UBE2E2: variants seen among roughly 807,000 people sequenced by gnomAD.
UBE2E2 encodes ubiquitin-conjugating enzyme E2 E2.
Under a neutral mutation model 24.7 loss-of-function variants are expected in UBE2E2, and 6 were observed. That is an observed-to-expected ratio of 0.24 (90% CI 0.13 to 0.48). The LOEUF (loss-of-function observed/expected upper bound fraction) is 0.48, where lower values mean the gene tolerates loss of function less well. Ranked by LOEUF, UBE2E2 falls within the 20% of genes least tolerant of loss-of-function variation. UBE2E2 has a pLI of 0.99. For missense variants in UBE2E2, 169 were observed against 245.0 expected (o/e 0.69, Z 2.07); for synonymous variants, 104 against 83.6 (o/e 1.24, Z -1.33).
At chr3:23,351,323 A>G (rs1430191173) in intron 3 of UBE2E2, among the ~76,000 whole-genome samples, 2 of 152,248 alleles carry the variant, frequency 1.3e-5, no homozygotes, top group East Asian at 1.9e-4. Flanking sequence ...AAGAAACTCC[A>G]TCAACTAACA....
intron 3 of UBE2E2, among the ~76,000 whole-genome samples, chr3:23,228,193 G>C (rs539876626): frequency 6.6e-6 from 1 of 152,104 alleles, no homozygotes; most frequent in African/African-American, 2.4e-5. Context: ...GCTAATAAAA[G>C]AAAATGTTGA....
chr3:23,217,369 TG>T (rs766188773), intron 3 of UBE2E2, 57 bp downstream of exon 3: 11 of 1,509,712 alleles, frequency 7.3e-6, no homozygotes, highest in Non-Finnish European at 1.0e-5. Flanking sequence ...GCATTTGAAC[TG>T]TTGGTTTTAT....
chr3:23,518,454 G>A (rs529301770), intron 4 of UBE2E2, among the ~76,000 whole-genome samples: 9 of 152,282 alleles, frequency 5.9e-5, no homozygotes, highest in African/African-American at 1.9e-4. Context: ...TGCTTGCCAC[G>A]AAGGCAGAAA....
intron 3 of UBE2E2, among the ~76,000 whole-genome samples, chr3:23,415,417 G>T (rs538389802): frequency 1.4e-3 from 213 of 152,258 alleles, no homozygotes; most frequent in African/African-American, 4.9e-3. Context: ...TCAAATTAGC[G>T]AGACCAACAT....
chr3:23,394,649 G>A (rs758991343), intron 3 of UBE2E2, among the ~76,000 whole-genome samples: 2 of 152,160 alleles, frequency 1.3e-5, no homozygotes, highest in Non-Finnish European at 2.9e-5. Flanking sequence ...TCAGTCATTC[G>A]CTAATTCTCA....
intron 3 of UBE2E2, among the ~76,000 whole-genome samples, chr3:23,324,530 G>C (rs1158942749): frequency 6.6e-6 from 1 of 152,072 alleles, no homozygotes; most frequent in Non-Finnish European, 1.5e-5. Context: ...TTTATTAGCT[G>C]CAGTACCAGA....
At chr3:23,559,380 A>G (rs535799480) in intron 5 of UBE2E2, among the ~76,000 whole-genome samples, 7 of 152,268 alleles carry the variant, frequency 4.6e-5, no homozygotes, top group East Asian at 1.9e-4. Context: ...ACCGTGACCT[A>G]TCACCTCCTC....
At chr3:23,355,072 C>G (rs1695901281) in intron 3 of UBE2E2, among the ~76,000 whole-genome samples, 2 of 151,852 alleles carry the variant, frequency 1.3e-5, no homozygotes, top group African/African-American at 4.8e-5. Flanking sequence ...AGTTCATGTC[C>G]TTTGTAGGGA....
At chr3:23,449,523 T>C (rs916817302) in intron 3 of UBE2E2, among the ~76,000 whole-genome samples, 1 of 152,264 alleles carries the variant, frequency 6.6e-6, no homozygotes, top group African/African-American at 2.4e-5. Flanking sequence ...TTTGCTCTTT[T>C]CACCACTGTC....
chr3:23,317,525 A>T (rs1015124447), intron 3 of UBE2E2, among the ~76,000 whole-genome samples: 2 of 152,188 alleles, frequency 1.3e-5, no homozygotes, highest in Non-Finnish European at 2.9e-5. Flanking sequence ...CGGGTGATTT[A>T]TACAGGATAA....
intron 3 of UBE2E2, among the ~76,000 whole-genome samples, chr3:23,315,589 C>T (rs1399965466): frequency 1.3e-5 from 2 of 152,130 alleles, no homozygotes; most frequent in African/African-American, 4.8e-5. Flanking sequence ...ATAACTCTGC[C>T]TCTCCGAGAT....
intron 3 of UBE2E2, among the ~76,000 whole-genome samples, chr3:23,487,202 C>T (rs1481061870): frequency 6.6e-6 from 1 of 152,192 alleles, no homozygotes; most frequent in Non-Finnish European, 1.5e-5. Context: ...GCAGCAGTGC[C>T]CAGGCTCAGC....
chr3:23,350,856 C>G (rs1470258014), intron 3 of UBE2E2, among the ~76,000 whole-genome samples: 1 of 152,140 alleles, frequency 6.6e-6, no homozygotes, highest in South Asian at 2.1e-4. Flanking sequence ...GCAAGGCAGA[C>G]CAACATTCAG....
At chr3:23,381,922 A>G (rs908594466) in intron 3 of UBE2E2, among the ~76,000 whole-genome samples, 2 of 152,136 alleles carry the variant, frequency 1.3e-5, no homozygotes, top group Non-Finnish European at 2.9e-5. Context: ...GGGAGGCGGA[A>G]TGGCTGCTTA....
At chr3:23,284,516 T>C (rs1698565221) in intron 3 of UBE2E2, among the ~76,000 whole-genome samples, 1 of 104,682 alleles carries the variant, frequency 9.6e-6, no homozygotes. Flanking sequence ...TCATTATTAT[T>C]ATGATTATTA....
chr3:23,529,214 G>C (rs1021726405), intron 4 of UBE2E2, among the ~76,000 whole-genome samples: 17 of 152,180 alleles, frequency 1.1e-4, no homozygotes, highest in Non-Finnish European at 2.4e-4. Context: ...TTTGTGTGTT[G>C]ACTGGTGGTA....
chr3:23,350,348 C>T (rs577493406), intron 3 of UBE2E2, among the ~76,000 whole-genome samples: 14 of 152,242 alleles, frequency 9.2e-5, no homozygotes, highest in African/African-American at 2.4e-4. Context: ...TCCAAAGGAA[C>T]GCAGTTCCTC....
intron 3 of UBE2E2, among the ~76,000 whole-genome samples, chr3:23,361,767 C>G (rs1051657568): frequency 1.3e-5 from 2 of 152,058 alleles, no homozygotes; most frequent in Admixed American, 1.3e-4. Flanking sequence ...CACTAAGGAA[C>G]TTATCCATGT....
chr3:23,282,719 G>A (rs1361174365), intron 3 of UBE2E2, among the ~76,000 whole-genome samples: 1 of 152,012 alleles, frequency 6.6e-6, no homozygotes, highest in African/African-American at 2.4e-5. Context: ...AATACTGTCA[G>A]TATATTGTCA....
Sources: gnomAD v4.1 joint callset for allele counts (sites outside exome capture counted in the v4.1 genomes callset) on GRCh38, gnomAD v4.1.1 for gene constraint, MANE v1.5 for transcripts, NCBI Gene and HGNC (gene_info 2026-07-23, HGNC 2026-07-21) for gene names.